The following RORA variants were observed in gnomAD, a reference collection of about 807,000 sequenced individuals.
RORA encodes the protein RAR related orphan receptor A.
A neutral mutation model predicts 69.5 loss-of-function variants in RORA; 7 were observed. The observed-to-expected ratio is 0.10, with a 90% confidence interval of 0.06 to 0.19. The LOEUF is 0.19. RORA is among the 10% of genes least tolerant of loss of function. The pLI, the probability that RORA is intolerant of heterozygous loss-of-function variation, is 1.00. For synonymous variants in RORA, 261 were observed against 240.8 expected (o/e 1.08, Z -0.78); for missense variants, 457 against 663.0 (o/e 0.69, Z 3.41).
rs896291365 is a variant in RORA at position 60,549,929 on chromosome 15, G to A, written c.197-18078C>T. The stretch of plus-strand genomic sequence containing the variant: ...ACATAGCTCATTTTATGAAACGAAA[G>A]TGATATTAAAAAACTAAGTGGCTGA... On this transcript the variant is annotated intron_variant, in intron 2 of 10. Transcript: ENST00000335670. Among the ~76,000 whole-genome samples, 3 of 152,154 alleles carry A rather than the reference G, an allele frequency of 2.0e-5. No homozygotes were observed. In the South Asian group the frequency reaches 6.2e-4, roughly 31 times the overall value.
chr15:60,714,794 AG>A (rs2071198442), intron 1 of RORA, among the ~76,000 whole-genome samples: 2 of 152,186 alleles, frequency 1.3e-5, no homozygotes, highest in Non-Finnish European at 2.9e-5. Flanking sequence ...TGACCATCTA[AG>A]AACATTGCTG....
chr15:60,808,313 G>T (rs1193426345), intron 1 of RORA, among the ~76,000 whole-genome samples: 2 of 152,174 alleles, frequency 1.3e-5, no homozygotes, highest in African/African-American at 2.4e-5. Context: ...ATGGAAAAAT[G>T]CTCATCATCA....
At chr15:61,087,377 C>T (rs546529947) in intron 1 of RORA, among the ~76,000 whole-genome samples, 1 of 152,232 alleles carries the variant, frequency 6.6e-6, no homozygotes, top group African/African-American at 2.4e-5. Flanking sequence ...ATGTCAGAAC[C>T]CACTCCTTTT....
intron 2 of RORA, among the ~76,000 whole-genome samples, chr15:60,669,791 T>C (rs1260996187): frequency 2.0e-5 from 3 of 152,246 alleles, no homozygotes; most frequent in Non-Finnish European, 4.4e-5. Flanking sequence ...TTTTTGCCAT[T>C]GAAATGGCAA....
At chr15:61,060,197 C>A (rs1026487864) in intron 1 of RORA, among the ~76,000 whole-genome samples, 1 of 152,166 alleles carries the variant, frequency 6.6e-6, no homozygotes, top group Non-Finnish European at 1.5e-5. Context: ...TAAACTAAAT[C>A]CTTTCAGGGA....
At chr15:60,866,820 T>TTATCTATCTATCTATC (rs535434841) in intron 1 of RORA, among the ~76,000 whole-genome samples, 5,945 of 146,714 alleles carry the variant, frequency 0.041, 136 homozygotes, top group Middle Eastern at 0.099. Context: ...TATCTTATCT[T>TTATCTATCTATCTATC]TATCTATCTA....
In RORA at chr15:60,897,587, T is replaced by C. The variant is rs3803486; in HGVS notation, c.167-218901A>G. On this transcript the variant is annotated intron_variant, in intron 1 of 10. Coordinates refer to ENST00000335670, the MANE Select transcript of RORA (RefSeq NM_134261.3). Reference sequence around the variant, plus strand: ...TTGCTCAGGGATGAACCCATGTTTCTGTATTCCACATCCACTGGATAGATG... The same window carrying C: ...TTGCTCAGGGATGAACCCATGTTTCCGTATTCCACATCCACTGGATAGATG... 3.2e-4 allele frequency among the ~76,000 whole-genome samples: 49 copies of C among 152,376 alleles called. 1 individual carries two copies. In the East Asian group the frequency reaches 7.5e-3, roughly 23 times the overall value.
intron 1 of RORA, among the ~76,000 whole-genome samples, chr15:61,145,854 C>A (rs11858416): frequency 0.038 from 5,836 of 152,174 alleles, 385 homozygotes; most frequent in African/African-American, 0.13. Context: ...AAACTCCAGG[C>A]TATATACTGG....
In RORA at chr15:60,489,196, C is replaced by A. The variant is rs568156831; in HGVS notation, c.*8259G>T. 1.3e-5 allele frequency: 2 copies of A among 152,328 alleles called. No homozygotes were observed. The highest frequency in any genetic ancestry group is 4.1e-4 in the South Asian group (2 of 4,832). The allele number at this position is 152,328 out of a possible 1,614,324, so 9.4% of individuals were successfully genotyped here. On this transcript the variant is annotated 3_prime_UTR_variant, in exon 11 of 11. Coordinates refer to ENST00000335670, the MANE Select transcript of RORA (RefSeq NM_134261.3). ...GATTTCTCCCTCAACTGTAGCCAAT[C>A]CACTTTAAAAGGTTAACTACTAGCA...
chr15:61,220,920 T>A (rs2080089517), intron 1 of RORA, among the ~76,000 whole-genome samples: 1 of 152,208 alleles, frequency 6.6e-6, no homozygotes, highest in African/African-American at 2.4e-5. Context: ...CCTGCCTTCA[T>A]CCACAGCCCC....
At chr15:60,748,638 G>A (rs974577162) in intron 1 of RORA, among the ~76,000 whole-genome samples, 1 of 152,172 alleles carries the variant, frequency 6.6e-6, no homozygotes, top group Non-Finnish European at 1.5e-5. Context: ...TCCTTGTTCA[G>A]TTCTATCCTG....
At chr15:61,096,966 T>C (rs2078800056) in intron 1 of RORA, among the ~76,000 whole-genome samples, 1 of 152,210 alleles carries the variant, frequency 6.6e-6, no homozygotes. Flanking sequence ...AAGGCACATG[T>C]GCATGGCAAT....
chr15:60,620,736 G>A (rs1249191213), intron 2 of RORA, among the ~76,000 whole-genome samples: 1 of 152,214 alleles, frequency 6.6e-6, no homozygotes, highest in Admixed American at 6.5e-5. Context: ...CCACAAACTC[G>A]TTTGGCTGGA....
intron 1 of RORA, among the ~76,000 whole-genome samples, chr15:61,005,045 T>C (rs2098708826): frequency 6.6e-6 from 1 of 152,226 alleles, no homozygotes; most frequent in Non-Finnish European, 1.5e-5. Context: ...ATTCCACTTT[T>C]AGCAGCGTAT....
At chr15:61,203,343 G>C (rs1284597751) in intron 1 of RORA, among the ~76,000 whole-genome samples, 1 of 152,140 alleles carries the variant, frequency 6.6e-6, no homozygotes, top group Admixed American at 6.5e-5. Flanking sequence ...GCCTCAGAGG[G>C]GCTTTCAGGG....
At chr15:60,582,833 G>A (rs1034131165) in intron 2 of RORA, among the ~76,000 whole-genome samples, 1 of 152,182 alleles carries the variant, frequency 6.6e-6, no homozygotes, top group Non-Finnish European at 1.5e-5. Flanking sequence ...TTCACCATCA[G>A]TTGGGAAAAT....
chr15:60,621,941 A>T (rs339990), intron 2 of RORA, among the ~76,000 whole-genome samples: 1 of 151,654 alleles, frequency 6.6e-6, no homozygotes, highest in African/African-American at 2.4e-5. Flanking sequence ...CCAGCTACTC[A>T]GGAGGCTGAG....
intron 2 of RORA, among the ~76,000 whole-genome samples, chr15:60,676,230 C>T (rs2070551040): frequency 6.6e-6 from 1 of 152,206 alleles, no homozygotes; most frequent in Non-Finnish European, 1.5e-5. Context: ...GATTGTCTTT[C>T]TCCTCACAAG....
intron 1 of RORA, among the ~76,000 whole-genome samples, chr15:60,716,303 G>T (rs1207099642): frequency 1.3e-5 from 2 of 152,144 alleles, no homozygotes; most frequent in East Asian, 3.9e-4. Flanking sequence ...TATTCCCTGT[G>T]AATCTTCCCC....
Sources: allele counts gnomAD v4.1 joint callset (sites outside exome capture counted in the v4.1 genomes callset), GRCh38; gene constraint gnomAD v4.1.1; transcripts MANE v1.5; gene names NCBI Gene and HGNC (gene_info 2026-07-23, HGNC 2026-07-21).